The following DLC1 variants were observed in gnomAD, a reference collection of about 807,000 sequenced individuals.
DLC1 encodes the protein rho GTPase-activating protein 7.
In DLC1, 54 loss-of-function variants were observed where a neutral mutation model predicts 140.3. The ratio of observed to expected loss-of-function variants is 0.38; its 90% CI spans 0.31 to 0.48. DLC1 has a LOEUF of 0.48. Among genes scored for constraint, DLC1 ranks in the 20% least tolerant of loss-of-function variants. DLC1 has a pLI of 0.96. For missense variants in DLC1, 2,536 were observed against 1,907.0 expected, an observed-to-expected ratio of 1.33 and a Z score of -6.14; for synonymous variants, 986 against 728.1, an observed-to-expected ratio of 1.35 and a Z score of -5.70.
At chr8:13,163,759 T>G (rs906390788) in intron 5 of DLC1, among the ~76,000 whole-genome samples, 1 of 151,864 alleles carries the variant, frequency 6.6e-6, no homozygotes, top group African/African-American at 2.4e-5. Flanking sequence ...GGTGGGAGGA[T>G]AGCTTGAGAC....
At chr8:13,285,324 T>C (rs890689817) in intron 5 of DLC1, among the ~76,000 whole-genome samples, 3 of 152,160 alleles carry the variant, frequency 2.0e-5, no homozygotes, top group Admixed American at 6.5e-5. Flanking sequence ...ACTGGGGTGC[T>C]GGGGCAGTTG....
At chr8:13,214,270 G>A (rs1190565435) in intron 5 of DLC1, 2 of 190,804 alleles carry the variant, frequency 1.0e-5, no homozygotes, top group Non-Finnish European at 2.2e-5. Flanking sequence ...GTATGCAAAG[G>A]AAGTTTCTTC....
chr8:13,493,095 C>G (rs768684306), intron 2 of DLC1, among the ~76,000 whole-genome samples: 1 of 152,182 alleles, frequency 6.6e-6, no homozygotes, highest in Non-Finnish European at 1.5e-5. Flanking sequence ...ATTGCCAGCT[C>G]CAGTCTTTAG....
intron 13 of DLC1, among the ~76,000 whole-genome samples, chr8:13,092,249 G>A (rs184886804): frequency 1.3e-5 from 2 of 152,192 alleles, no homozygotes; most frequent in Middle Eastern, 3.4e-3. Context: ...TGTCTCAAAA[G>A]GAACTATTTA....
At chr8:13,350,292 C>G (rs904032285) in intron 4 of DLC1, among the ~76,000 whole-genome samples, 2 of 151,464 alleles carry the variant, frequency 1.3e-5, no homozygotes, top group African/African-American at 4.8e-5. Flanking sequence ...CATAACACCT[C>G]AGGTTTATCA....
chr8:13,093,502 A>G (rs532126920), intron 12 of DLC1, among the ~76,000 whole-genome samples: 235 of 152,344 alleles, frequency 1.5e-3, no homozygotes, highest in Middle Eastern at 3.4e-3. Context: ...ATATATAAAA[A>G]TGCAAATAAA....
rs116617325 is a variant in DLC1 at position 13,297,542 on chromosome 8, A to G, written c.1348+7727T>C. 4.5e-3 allele frequency among the ~76,000 whole-genome samples: 681 copies of G among 152,200 alleles called. 2 individuals are homozygous for G. The highest frequency in any genetic ancestry group is 0.016 in the African/African-American group (658 of 41,536). On this transcript the variant is annotated intron_variant, in intron 5 of 17. Coordinates refer to ENST00000276297, the MANE Select transcript of DLC1 (RefSeq NM_182643.3). Reference sequence around the variant, plus strand: ...GAATGTCATGCAAATAGAGCAAAACATTTGCTGATTTTTACAATAATACCA... The same window carrying G: ...GAATGTCATGCAAATAGAGCAAAACGTTTGCTGATTTTTACAATAATACCA...
chr8:13,359,975 G>C (rs1465620655), intron 4 of DLC1, among the ~76,000 whole-genome samples: 1 of 152,184 alleles, frequency 6.6e-6, no homozygotes, highest in Non-Finnish European at 1.5e-5. Flanking sequence ...GATTTATAAA[G>C]AGCTACTCCA....
intron 2 of DLC1, among the ~76,000 whole-genome samples, chr8:13,464,746 T>TTATA (rs1177098652): frequency 2.3e-5 from 3 of 130,930 alleles, no homozygotes; most frequent in African/African-American, 8.2e-5. Flanking sequence ...GAATTTTAAA[T>TTATA]TATATATATA....
chr8:13,318,701 C>T (rs190824991), intron 4 of DLC1, among the ~76,000 whole-genome samples: 1 of 152,278 alleles, frequency 6.6e-6, no homozygotes, highest in African/African-American at 2.4e-5. Flanking sequence ...ACTGATCATC[C>T]TTGAGATGCC....
At chr8:13,390,767 C>T (rs919644458) in intron 4 of DLC1, among the ~76,000 whole-genome samples, 1 of 152,098 alleles carries the variant, frequency 6.6e-6, no homozygotes, top group African/African-American at 2.4e-5. Flanking sequence ...GCGGGTGGAT[C>T]ATGAGGTTAG....
chr8:13,583,099 G>T (rs1184001138), intron 1 of DLC1, among the ~76,000 whole-genome samples: 2 of 151,694 alleles, frequency 1.3e-5, no homozygotes, highest in Non-Finnish European at 2.9e-5. Flanking sequence ...AAGTTGAGGT[G>T]TCTGTGACAG....
At chr8:13,442,611 T>C (rs995304607) in intron 2 of DLC1, among the ~76,000 whole-genome samples, 1 of 152,254 alleles carries the variant, frequency 6.6e-6, no homozygotes, top group Admixed American at 6.5e-5. Flanking sequence ...AAAATGCTCA[T>C]CATCACTGGC....
chr8:13,205,903 T>A (rs1297966236), intron 5 of DLC1, among the ~76,000 whole-genome samples: 5 of 152,206 alleles, frequency 3.3e-5, no homozygotes, highest in Non-Finnish European at 5.9e-5. Flanking sequence ...GAACTATTGA[T>A]GTTTTGACAA....
intron 1 of DLC1, among the ~76,000 whole-genome samples, chr8:13,568,479 G>A (rs1804534532): frequency 6.6e-6 from 1 of 152,116 alleles, no homozygotes. Context: ...CAGAGGAAAG[G>A]TATAGCCTAG....
chr8:13,352,669 T>G (rs1302408281), intron 4 of DLC1, among the ~76,000 whole-genome samples: 1 of 152,154 alleles, frequency 6.6e-6, no homozygotes, highest in Non-Finnish European at 1.5e-5. Context: ...GGGGGCTACT[T>G]AGACTCCTGA....
intron 1 of DLC1, among the ~76,000 whole-genome samples, chr8:13,583,588 G>A (rs1805194560): frequency 1.3e-5 from 2 of 152,280 alleles, no homozygotes; most frequent in African/African-American, 2.4e-5. Context: ...TGCAATATAA[G>A]TTAGGCACAA....
intron 5 of DLC1, chr8:13,276,197 C>A: frequency 1.3e-6 from 2 of 1,522,080 alleles, no homozygotes; most frequent in Non-Finnish European, 8.8e-7. Context: ...ACTGCGTCTT[C>A]GCAGTAAATT....
intron 4 of DLC1, among the ~76,000 whole-genome samples, chr8:13,329,549 A>G (rs1833502664): frequency 6.6e-6 from 1 of 152,198 alleles, no homozygotes; most frequent in African/African-American, 2.4e-5. Flanking sequence ...AAGCTAGAAG[A>G]AAGAAATGAC....
Sources: allele counts gnomAD v4.1 joint callset (sites outside exome capture counted in the v4.1 genomes callset), GRCh38; gene constraint gnomAD v4.1.1; transcripts MANE v1.5; gene names NCBI Gene and HGNC (gene_info 2026-07-23, HGNC 2026-07-21).